P2RY14: variants seen among roughly 807,000 people sequenced by gnomAD.
The protein encoded by P2RY14 is P2Y purinoceptor 14.
A neutral mutation model predicts 0.9 loss-of-function variants in P2RY14; 2 were observed. The observed-to-expected ratio is 2.16, with a 90% confidence interval of 0.88 to 6.79. The LOEUF is 6.79. Among genes scored for constraint, P2RY14 ranks in the 30% most tolerant of loss-of-function variants. The pLI is 0.05. For missense variants in P2RY14, 378 were observed against 400.1 expected, an observed-to-expected ratio of 0.94 and a Z score of 0.47; for synonymous variants, 158 against 147.2, an observed-to-expected ratio of 1.07 and a Z score of -0.53.
intron 1 of P2RY14, among the ~76,000 whole-genome samples, chr3:151,265,340 A>T (rs1011601807): frequency 6.6e-6 from 1 of 152,202 alleles, no homozygotes; most frequent in African/African-American, 2.4e-5. Context: ...TGTTGAGTTT[A>T]TTTTTCCCAG....
chr3:151,217,506 G>A (rs1167353417), intron 2 of P2RY14, among the ~76,000 whole-genome samples: 1 of 152,192 alleles, frequency 6.6e-6, no homozygotes, highest in Non-Finnish European at 1.5e-5. Context: ...TTTGCCTCCT[G>A]AAATGGAGTG....
chr3:151,262,798 A>G (rs987358960), intron 1 of P2RY14, among the ~76,000 whole-genome samples: 4 of 152,174 alleles, frequency 2.6e-5, no homozygotes, highest in Non-Finnish European at 5.9e-5. Context: ...ATACTGTTCT[A>G]AATTCCTTAT....
chr3:151,236,580 G>T (rs1732865219), intron 1 of P2RY14, among the ~76,000 whole-genome samples: 2 of 152,042 alleles, frequency 1.3e-5, no homozygotes, highest in Non-Finnish European at 2.9e-5. Flanking sequence ...CATCTCTCTG[G>T]ATACTTTTAT....
chr3:151,220,654 C>T (rs1450766878), intron 1 of P2RY14, among the ~76,000 whole-genome samples: 7 of 152,200 alleles, frequency 4.6e-5, no homozygotes, highest in Non-Finnish European at 8.8e-5. Context: ...CCTGCACAAG[C>T]TCTCTTCTCT....
intron 1 of P2RY14, among the ~76,000 whole-genome samples, chr3:151,233,385 ATGTT>A (rs1339139948): frequency 6.6e-6 from 1 of 152,224 alleles, no homozygotes; most frequent in Admixed American, 6.5e-5. Context: ...TTTCAATGGA[ATGTT>A]TGATACTTTG....
At position 151,213,756 on chromosome 3, in the gene P2RY14, T is replaced by G. The variant is rs200238332; in HGVS notation, c.561A>C (p.Ser187=). 6.2e-7 allele frequency: 1 copy of G among 1,614,190 alleles called. No homozygotes were observed. Among genetic ancestry groups the G allele is most frequent in the East Asian group, 2.2e-5 (1 of 44,886 alleles). The part of the protein sequence containing the change: ...SELGRKWHKA[S]NYIFVAIFWI... Reference sequence around the variant, plus strand: ...AGAAGATGGCCACGAAGATGTAGTTTGATGCTTTGTGCCACTTCCGTCCCA... The same window carrying G: ...AGAAGATGGCCACGAAGATGTAGTTGGATGCTTTGTGCCACTTCCGTCCCA... Residue 187 remains serine, a synonymous_variant, in exon 3 of 3, where the codon TCA becomes TCC. Transcript: ENST00000309170.
Position 151,261,685 on chromosome 3 carries a change from G to GTGTTTTGTTTTGTTTTGTTT in P2RY14, c.-133+16582_-133+16601dup, listed in dbSNP as rs10627724. Among the ~76,000 whole-genome samples, 856 of 148,750 alleles carry GTGTTTTGTTTTGTTTTGTTT rather than the reference G, an allele frequency of 5.8e-3. 13 individuals carry two copies. Among genetic ancestry groups the GTGTTTTGTTTTGTTTTGTTT allele is most frequent in the African/African-American group, 0.02 (799 of 40,014 alleles). On this transcript the variant is annotated intron_variant, in intron 1 of 2. Coordinates refer to ENST00000309170, the MANE Select transcript of P2RY14 (RefSeq NM_014879.4). The stretch of plus-strand genomic sequence containing the variant: ...CTGGGGAGGGGTCCAGTGGTACGTG[G>GTGTTTTGTTTTGTTTTGTTT]TGTTTTGTTTTGTTTTGTTTTGTTT...
chr3:151,263,912 G>A (rs1001391178), intron 1 of P2RY14, among the ~76,000 whole-genome samples: 4 of 152,202 alleles, frequency 2.6e-5, no homozygotes, highest in Admixed American at 6.5e-5. Flanking sequence ...GTGTGGCACA[G>A]CCTTCAGTTA....
At chr3:151,256,682 A>T (rs1737871861) in intron 1 of P2RY14, among the ~76,000 whole-genome samples, 1 of 152,212 alleles carries the variant, frequency 6.6e-6, no homozygotes, top group Admixed American at 6.5e-5. Context: ...GTATTTTAAG[A>T]TCTAAGAGAT....
intron 1 of P2RY14, among the ~76,000 whole-genome samples, chr3:151,221,388 GA>G (rs914989400): frequency 3.3e-5 from 5 of 152,226 alleles, no homozygotes; most frequent in Non-Finnish European, 5.9e-5. Flanking sequence ...TAATCACCAA[GA>G]AAATGGGGAA....
At chr3:151,226,342 C>A (rs987075403) in intron 1 of P2RY14, among the ~76,000 whole-genome samples, 4 of 152,148 alleles carry the variant, frequency 2.6e-5, no homozygotes, top group African/African-American at 9.7e-5. Flanking sequence ...AAATGGATGG[C>A]CTAAGCTCTT....
intron 1 of P2RY14, among the ~76,000 whole-genome samples, chr3:151,244,894 A>G (rs1267621503): frequency 1.3e-5 from 2 of 151,216 alleles, no homozygotes; most frequent in African/African-American, 2.5e-5. Context: ...AGAAAAAAAG[A>G]GAGAAGAATC....
At chr3:151,242,453 TG>T (rs1202668320) in intron 1 of P2RY14, among the ~76,000 whole-genome samples, 2 of 151,748 alleles carry the variant, frequency 1.3e-5, no homozygotes, top group Non-Finnish European at 2.9e-5. Context: ...CCTCCTCAAG[TG>T]GGTCCCTGAC....
chr3:151,267,309 T>TA (rs767901342), intron 1 of P2RY14, among the ~76,000 whole-genome samples: 1 of 152,202 alleles, frequency 6.6e-6, no homozygotes, highest in Non-Finnish European at 1.5e-5. Context: ...AAGGAAATGG[T>TA]AGTCATTGAA....
intron 1 of P2RY14, among the ~76,000 whole-genome samples, chr3:151,230,151 T>C (rs1731358976): frequency 6.6e-6 from 1 of 152,130 alleles, no homozygotes. Flanking sequence ...TGTTTTTGCA[T>C]TTTTAGTAGA....
chr3:151,273,140 A>G (rs1274968421), intron 1 of P2RY14, among the ~76,000 whole-genome samples: 1 of 151,794 alleles, frequency 6.6e-6, no homozygotes, highest in East Asian at 1.9e-4. Context: ...TTTGGCTTCC[A>G]TTGTTCTTAT....
chr3:151,227,482 T>G (rs766597392), intron 1 of P2RY14, among the ~76,000 whole-genome samples: 3 of 152,210 alleles, frequency 2.0e-5, no homozygotes, highest in Non-Finnish European at 4.4e-5. Context: ...TACTTTGTAT[T>G]CTAATCGCTT....
intron 1 of P2RY14, among the ~76,000 whole-genome samples, chr3:151,243,066 A>C (rs1241376893): frequency 6.6e-6 from 1 of 150,868 alleles, no homozygotes; most frequent in African/African-American, 2.4e-5. Flanking sequence ...AGTTTAGAGA[A>C]AAAAGAATAA....
chr3:151,274,675 G>A (rs766751240), intron 1 of P2RY14, among the ~76,000 whole-genome samples: 9 of 152,266 alleles, frequency 5.9e-5, no homozygotes, highest in South Asian at 2.1e-4. Flanking sequence ...GATTAGAATC[G>A]TCTCCAAATC....
Sources: allele counts gnomAD v4.1 joint callset (sites outside exome capture counted in the v4.1 genomes callset), GRCh38; gene constraint gnomAD v4.1.1; transcripts MANE v1.5; gene names NCBI Gene and HGNC (gene_info 2026-07-23, HGNC 2026-07-21).